ZNF277: variants seen among roughly 807,000 people sequenced by gnomAD.
ZNF277 encodes nuclear receptor-interacting factor 4.
In ZNF277, 55 loss-of-function variants were observed where a neutral mutation model predicts 60.7. The ratio of observed to expected loss-of-function variants is 0.91; its 90% CI spans 0.73 to 1.13. ZNF277 has a LOEUF of 1.13. Ranked by LOEUF, ZNF277 falls within the 50% of genes most tolerant of loss-of-function variation. ZNF277 has a pLI of 0.00. For synonymous variants in ZNF277, 178 were observed against 179.3 expected, an observed-to-expected ratio of 0.99 and a Z score of 0.06; for missense variants, 510 against 523.0, an observed-to-expected ratio of 0.98 and a Z score of 0.24.
At position 112,245,388 on chromosome 7, in the gene ZNF277, G is replaced by A. The variant is rs113513944; in HGVS notation, c.91+38581G>A. ...GGCTCTATATTATTGTGACCTTTTA[G>A]ATCCTCTTCTCATGTCTTTTCTAGG... On this transcript the variant is annotated intron_variant, in intron 1 of 11. Transcript: ENST00000361822. 2.1e-3 allele frequency among the ~76,000 whole-genome samples: 314 copies of A among 152,300 alleles called. 2 individuals carry two copies. Among genetic ancestry groups the A allele is most frequent in the African/African-American group, 7.2e-3 (300 of 41,566 alleles).
intron 1 of ZNF277, among the ~76,000 whole-genome samples, chr7:112,285,051 G>T (rs1008783030): frequency 2.6e-5 from 4 of 151,714 alleles, no homozygotes; most frequent in African/African-American, 9.7e-5. Flanking sequence ...TTCTTTTTGA[G>T]ACAGAGTCAC....
In ZNF277 at chr7:112,280,818, G is replaced by A. The variant is rs888581551; in HGVS notation, c.92-6055G>A. ...TTTTTTTGTGTTTGTAGTGGAGATG[G>A]GGTTTCACCGTGTTGCCCAGGCTAG... On this transcript the variant is annotated intron_variant, in intron 1 of 11. Coordinates refer to ENST00000361822, the MANE Select transcript of ZNF277 (RefSeq NM_021994.3). Among the ~76,000 whole-genome samples the A allele has an allele frequency of 5.3e-5, 8 of 152,020 alleles. 1 individual carries two copies. The highest frequency in any genetic ancestry group is 8.8e-5 in the Non-Finnish European group (6 of 68,018).
At chr7:112,337,926 T>C (rs1396787360) in intron 9 of ZNF277, 100 bp downstream of exon 9, 23 of 990,628 alleles carry the variant, frequency 2.3e-5, no homozygotes, top group Non-Finnish European at 2.8e-5. Flanking sequence ...TCCCAATCAT[T>C]ATTCCAACCA....
Position 112,343,798 on chromosome 7 carries a change from C to T in ZNF277, c.*1069C>T, listed in dbSNP as rs537449163. On this transcript the variant is annotated 3_prime_UTR_variant, in exon 12 of 12. Coordinates refer to ENST00000361822, the MANE Select transcript of ZNF277 (RefSeq NM_021994.3). Reference sequence around the variant, plus strand: ...CAGATTAGCCAGGCATGGTGGAATGCACCTATAGTCCCAGCTACTTGGGAG... The same window carrying T: ...CAGATTAGCCAGGCATGGTGGAATGTACCTATAGTCCCAGCTACTTGGGAG... 6.6e-6 allele frequency among the ~76,000 whole-genome samples: 1 copy of T among 152,004 alleles called. No homozygotes were observed. Among genetic ancestry groups the T allele is most frequent in the East Asian group, 1.9e-4 (1 of 5,158 alleles).
At chr7:112,248,580 T>C (rs1791135264) in intron 1 of ZNF277, among the ~76,000 whole-genome samples, 1 of 152,106 alleles carries the variant, frequency 6.6e-6, no homozygotes, top group Non-Finnish European at 1.5e-5. Flanking sequence ...AGAAAATTAC[T>C]CTATAAATCT....
In ZNF277 at chr7:112,341,051, G is replaced by A. The variant is rs779430675; in HGVS notation, c.1184+5G>A. ...AAAGACGTGGGATCAACTGGAGTACGTACTGCAAAACCAAATGTGCACTTC... is the reference window on the plus strand; with the variant it reads ...AAAGACGTGGGATCAACTGGAGTACATACTGCAAAACCAAATGTGCACTTC... On this transcript the variant is annotated splice_donor_5th_base_variant and intron_variant, in intron 11 of 11. Coordinates refer to ENST00000361822, the MANE Select transcript of ZNF277 (RefSeq NM_021994.3). The A allele has an allele frequency of 8.3e-6, 13 of 1,574,648 alleles. No individual in the cohort carries two copies. The highest frequency in any genetic ancestry group is 2.3e-5 in the East Asian group (1 of 43,866).
intron 6 of ZNF277, among the ~76,000 whole-genome samples, chr7:112,329,656 G>A (rs1793178696): frequency 6.6e-6 from 1 of 152,110 alleles, no homozygotes; most frequent in African/African-American, 2.4e-5. Flanking sequence ...AGCTGGCACT[G>A]GAGCAAGGAA....
At chr7:112,274,926 G>T (rs1019350799) in intron 1 of ZNF277, among the ~76,000 whole-genome samples, 2 of 152,016 alleles carry the variant, frequency 1.3e-5, no homozygotes, top group Non-Finnish European at 2.9e-5. Context: ...TTCCTCTATA[G>T]AACCAAATAA....
intron 1 of ZNF277, among the ~76,000 whole-genome samples, chr7:112,264,993 TC>T (rs1791515796): frequency 6.6e-6 from 1 of 152,174 alleles, no homozygotes; most frequent in Admixed American, 6.5e-5. Context: ...TGTGGCAATT[TC>T]TTAACAAAAG....
At chr7:112,241,535 G>A (rs1237190901) in intron 1 of ZNF277, among the ~76,000 whole-genome samples, 2 of 152,146 alleles carry the variant, frequency 1.3e-5, no homozygotes, top group Admixed American at 1.3e-4. Flanking sequence ...ATATCAAAGA[G>A]ATAATCTGCA....
intron 4 of ZNF277, among the ~76,000 whole-genome samples, chr7:112,309,198 G>A (rs1792667500): frequency 6.6e-6 from 1 of 151,902 alleles, no homozygotes; most frequent in Non-Finnish European, 1.5e-5. Context: ...GTTTTTACAA[G>A]AGTCAACCCA....
chr7:112,251,336 A>C (rs975395874), intron 1 of ZNF277, among the ~76,000 whole-genome samples: 9 of 152,184 alleles, frequency 5.9e-5, no homozygotes, highest in African/African-American at 2.2e-4. Context: ...ACCCTCTTTA[A>C]CCAAAAAGTT....
At chr7:112,233,355 C>A (rs529782656) in intron 1 of ZNF277, among the ~76,000 whole-genome samples, 1 of 152,312 alleles carries the variant, frequency 6.6e-6, no homozygotes, top group South Asian at 2.1e-4. Context: ...ACTGTCCTTG[C>A]AGGGCCAGTG....
chr7:112,209,015 A>G (rs1821665185), intron 1 of ZNF277, among the ~76,000 whole-genome samples: 1 of 152,152 alleles, frequency 6.6e-6, no homozygotes, highest in African/African-American at 2.4e-5. Context: ...GGATAAATCT[A>G]TATAAACTGA....
intron 1 of ZNF277, among the ~76,000 whole-genome samples, chr7:112,243,842 C>T (rs1320876503): frequency 2.0e-5 from 3 of 152,116 alleles, no homozygotes; most frequent in Non-Finnish European, 4.4e-5. Flanking sequence ...ATAAAGATAC[C>T]TGCACTCATA....
intron 9 of ZNF277, among the ~76,000 whole-genome samples, chr7:112,339,614 C>T (rs1202252799): frequency 3.3e-5 from 5 of 152,162 alleles, no homozygotes; most frequent in Admixed American, 6.5e-5. Flanking sequence ...CCACCGCGCC[C>T]GGCCCAATTA....
intron 1 of ZNF277, among the ~76,000 whole-genome samples, chr7:112,276,189 A>G (rs1489028414): frequency 6.6e-6 from 1 of 152,208 alleles, no homozygotes; most frequent in Non-Finnish European, 1.5e-5. Context: ...TTCCCGGCCC[A>G]TCGTGGGGGA....
rs1287852215 is a variant in ZNF277 at position 112,324,787 on chromosome 7, C to CCCATATGG, written c.558-2930_558-2929insCCATATGG. Among the ~76,000 whole-genome samples the CCCATATGG allele has an allele frequency of 1.1e-3, 167 of 152,252 alleles. 1 individual carries two copies. Among genetic ancestry groups the CCCATATGG allele is most frequent in the African/African-American group, 4.0e-3 (165 of 41,534 alleles). The stretch of plus-strand genomic sequence containing the variant: ...CGGAGACATATTATGGGAATTGGCT[C>CCCATATGG]ACACAATTATGGAGGCCGAGAAGTG... On this transcript the variant is annotated intron_variant, in intron 5 of 11. Coordinates refer to ENST00000361822, the MANE Select transcript of ZNF277 (RefSeq NM_021994.3).
chr7:112,219,517 A>G (rs924555728), intron 1 of ZNF277, among the ~76,000 whole-genome samples: 1 of 152,112 alleles, frequency 6.6e-6, no homozygotes, highest in Non-Finnish European at 1.5e-5. Flanking sequence ...CTTATCAAAG[A>G]TAAGTTGACC....
Sources: allele counts gnomAD v4.1 joint callset (sites outside exome capture counted in the v4.1 genomes callset), GRCh38; gene constraint gnomAD v4.1.1; transcripts MANE v1.5; gene names NCBI Gene and HGNC (gene_info 2026-07-23, HGNC 2026-07-21).